RBM43: variants seen among roughly 807,000 people sequenced by gnomAD.
RBM43 encodes RNA-binding protein 43.
RBM43 carries 12 observed loss-of-function variants against 12.4 expected under a neutral mutation model. That is an observed-to-expected ratio of 0.97 (90% CI 0.62 to 1.57). RBM43 has a LOEUF of 1.57. RBM43 is among the 40% of genes most tolerant of loss of function. RBM43 has a pLI of 0.00. For missense variants in RBM43, 348 were observed against 400.1 expected, an observed-to-expected ratio of 0.87 and a Z score of 1.11; for synonymous variants, 138 against 145.7, an observed-to-expected ratio of 0.95 and a Z score of 0.38.
In RBM43 at chr2:151,259,065, C is replaced by T. The variant is rs187770279; in HGVS notation, c.3+2660G>A. ...GGCTGAGGCAGGAGAATGGCTTGAA[C>T]CTGGGAGGTAGAGGTTATAGTGAGC... On this transcript the variant is annotated intron_variant, in intron 1 of 3. Transcript: ENST00000331426. Among the ~76,000 whole-genome samples the T allele has an allele frequency of 5.2e-3, 781 of 151,448 alleles. 5 individuals carry two copies. The highest frequency in any genetic ancestry group is 0.018 in the African/African-American group (750 of 41,338).
rs1682881068 is a variant in RBM43, at chr2:151,250,422, C to T, written c.*484G>A. Reference sequence around the variant, plus strand: ...CCATCCTGACTAACACGGTGAAACCCCATCTCTACTAAAAAAATACAAAAA... The same window carrying T: ...CCATCCTGACTAACACGGTGAAACCTCATCTCTACTAAAAAAATACAAAAA... On this transcript the variant is annotated 3_prime_UTR_variant, in exon 4 of 4. Transcript: ENST00000331426. The T allele has an allele frequency of 6.6e-6, 1 of 152,186 alleles. No homozygotes were observed. The highest frequency in any genetic ancestry group is 2.4e-5 in the African/African-American group (1 of 41,324). The allele number at this position is 152,186 out of a possible 1,614,324, so 9.4% of individuals were successfully genotyped here.
chr2:151,257,801 G>C (rs1428947772), intron 1 of RBM43, among the ~76,000 whole-genome samples: 2 of 152,168 alleles, frequency 1.3e-5, no homozygotes, highest in African/African-American at 4.8e-5. Context: ...CGGGCGTGGT[G>C]GCTCACGCCT....
chr2:151,248,858 A>G lies in RBM43; in HGVS notation c.*2048T>C, dbSNP rs1230195979. ...CAAGACAGGACAGAAAATAAAATAC[A>G]TGCTTACCAGTAAGAATGATAAGCC... On this transcript the variant is annotated 3_prime_UTR_variant, in exon 4 of 4. Coordinates refer to ENST00000331426, the MANE Select transcript of RBM43 (RefSeq NM_198557.3). 1 of 152,238 alleles carries G rather than the reference A, an allele frequency of 6.6e-6. No homozygotes were observed. The highest frequency in any genetic ancestry group is 1.5e-5 in the Non-Finnish European group (1 of 68,040). 9.4% of individuals were successfully genotyped at this position (152,238 alleles called of 1,614,324 possible).
At chr2:151,259,555 C>T (rs1394284115) in intron 1 of RBM43, among the ~76,000 whole-genome samples, 1 of 151,956 alleles carries the variant, frequency 6.6e-6, no homozygotes, top group East Asian at 2.0e-4. Context: ...ACCAGAATGG[C>T]TGGAACACAG....
chr2:151,253,086 G>T (rs1269825595), intron 2 of RBM43, among the ~76,000 whole-genome samples: 2 of 152,006 alleles, frequency 1.3e-5, no homozygotes, highest in Non-Finnish European at 2.9e-5. Flanking sequence ...TTATATGCAT[G>T]AATAAAAAAC....
chr2:151,255,575 T>C lies in RBM43; in HGVS notation c.172A>G (p.Arg58Gly), dbSNP rs989488716. The C allele has an allele frequency of 6.2e-7, 1 of 1,614,050 alleles. No homozygotes were observed. Among genetic ancestry groups the C allele is most frequent in the Non-Finnish European group, 8.5e-7 (1 of 1,179,936 alleles). The change falls in exon 2 of 4, where the codon AGA becomes GGA. Residue 58 changes from arginine (R) to glycine (G), a missense_variant. Physicochemically the swap from Arg to Gly is moderately radical, Grantham distance 125. Transcript: ENST00000331426. ...GDVEDVIYPT[R>G]TKGVAYVIFK... ...ATTACATATGCAACTCCCTTGGTTC[T>C]TGTCGGATATATCACATCTTCAACA...
intron 1 of RBM43, 151 bp downstream of exon 1, chr2:151,261,574 C>A: frequency 1.9e-6 from 3 of 1,540,190 alleles, no homozygotes; most frequent in African/African-American, 1.4e-5. Flanking sequence ...TCCGGGGCCC[C>A]CGGGGTCCCT....
chr2:151,261,737 G>C lies in RBM43; in HGVS notation c.-10C>G. 6.2e-7 allele frequency: 1 copy of C among 1,602,898 alleles called. No individual in the cohort carries two copies. Among genetic ancestry groups the C allele is most frequent in the Non-Finnish European group, 8.5e-7 (1 of 1,175,204 alleles). On this transcript the variant is annotated 5_prime_UTR_variant, in exon 1 of 4. Transcript: ENST00000331426. ...AAAAGCAACTTGCCATGGCGGAGGG[G>C]AGACGCGCCCTCAGCGGCCGCAGAA...
rs747158365 is a variant in RBM43, at chr2:151,251,082, C to T, written c.898G>A (p.Gly300Arg). 40 of 1,613,616 alleles carry T rather than the reference C, an allele frequency of 2.5e-5. 2 individuals carry two copies. The Admixed American group carries it at 3.0e-4, about 12-fold the overall frequency. ...KLRKETFILE[G>R]KENREKRMIK... is the part of the protein sequence containing the mutation. ...ATTCTTTTCTCTCTATTTTCCTTTC[C>T]TTCCAAAATAAATGTCTCTTTTCTA... The change falls in exon 4 of 4, where the codon GGA becomes AGA. Residue 300 changes from glycine to arginine, a missense_variant. Coordinates refer to ENST00000331426, the MANE Select transcript of RBM43 (RefSeq NM_198557.3).
intron 1 of RBM43, among the ~76,000 whole-genome samples, chr2:151,260,530 C>T (rs1219950737): frequency 6.6e-6 from 1 of 152,086 alleles, no homozygotes; most frequent in Non-Finnish European, 1.5e-5. Context: ...GGTAATTTAT[C>T]TTTAAAATCA....
At position 151,250,679 on chromosome 2, in the gene RBM43, G is replaced by A; in HGVS notation, c.*227C>T. ...ATTATCTGTGTAATCAGATAGACTGGGCTAAGCCACAGCCTCATTCTTTGT... is the reference window on the plus strand; with the variant it reads ...ATTATCTGTGTAATCAGATAGACTGAGCTAAGCCACAGCCTCATTCTTTGT... On this transcript the variant is annotated 3_prime_UTR_variant, in exon 4 of 4. Coordinates refer to ENST00000331426, the MANE Select transcript of RBM43 (RefSeq NM_198557.3). 1 of 426,508 alleles carries A rather than the reference G, an allele frequency of 2.3e-6. No homozygotes were observed. Among genetic ancestry groups the A allele is most frequent in the Non-Finnish European group, 4.1e-6 (1 of 242,012 alleles). The allele number at this position is 426,508 out of a possible 1,614,324, so 26.4% of individuals were successfully genotyped here.
chr2:151,261,048 C>G (rs907135585), intron 1 of RBM43: 1 of 553,140 alleles, frequency 1.8e-6, no homozygotes, highest in African/African-American at 1.9e-5. Flanking sequence ...TCTACCGCCA[C>G]CAGGTCAACA....
chr2:151,252,770 A>G lies in RBM43; in HGVS notation c.300T>C (p.Ser100=). ...CACACCTTACCTTGTCACCAAAATG[A>G]GAGACTCTGAGAGAGACTGTGAGTT... ...HAELTVSLRV[S]HFGDKIFSSV... Residue 100 remains serine, a synonymous_variant, in exon 3 of 4, where the codon TCT becomes TCC. Coordinates refer to ENST00000331426, the MANE Select transcript of RBM43 (RefSeq NM_198557.3). 1.9e-6 allele frequency: 3 copies of G among 1,584,886 alleles called. No homozygotes were observed. Among genetic ancestry groups the G allele is most frequent in the Non-Finnish European group, 2.6e-6 (3 of 1,154,356 alleles).
rs150129202 is a variant in RBM43 at position 151,248,750 on chromosome 2, A to C, written c.*2156T>G. The C allele has an allele frequency of 4.6e-5, 7 of 152,326 alleles. No individual in the cohort carries two copies. The South Asian group carries it at 1.2e-3, about 27-fold the overall frequency. 9.4% of individuals were successfully genotyped at this position (152,326 alleles called of 1,614,324 possible). A position where few individuals can be genotyped will look rare whatever the true frequency, so the allele number is the denominator to read the frequency against. ...GCATGCCTTTGAACTTTGAGAGCTC[A>C]TTTCGTGGGTGCTCTGATTTAATGT... On this transcript the variant is annotated 3_prime_UTR_variant, in exon 4 of 4. Transcript: ENST00000331426.
intron 1 of RBM43, among the ~76,000 whole-genome samples, chr2:151,256,428 G>A (rs761559392): frequency 2.0e-5 from 3 of 152,162 alleles, no homozygotes; most frequent in Non-Finnish European, 4.4e-5. Context: ...GGAGGTGGCT[G>A]TATGTTTTCT....
rs1682853103 is a variant in RBM43 at position 151,248,780 on chromosome 2, T to C, written c.*2126A>G. On this transcript the variant is annotated 3_prime_UTR_variant, in exon 4 of 4. Transcript: ENST00000331426. The stretch of plus-strand genomic sequence containing the variant: ...GTGGGTGCTCTGATTTAATGTCAAC[T>C]ATGCAAAAGCCAAGTAAATGCAAGC... The C allele has an allele frequency of 1.3e-5, 2 of 152,160 alleles. No individual in the cohort carries two copies. The highest frequency in any genetic ancestry group is 4.8e-5 in the African/African-American group (2 of 41,432). 9.4% of individuals were successfully genotyped at this position (152,160 alleles called of 1,614,324 possible).
intron 2 of RBM43, 46 bp from the exon 3 acceptor site, chr2:151,252,901 T>G (rs191253640): frequency 1.2e-6 from 1 of 867,030 alleles, no homozygotes; most frequent in East Asian, 2.5e-5. Flanking sequence ...CATGATACAC[T>G]AATAATTTTT....
chr2:151,254,305 CTT>C (rs1491444701), intron 2 of RBM43, among the ~76,000 whole-genome samples: 8 of 151,316 alleles, frequency 5.3e-5, no homozygotes, highest in Admixed American at 4.0e-4. Flanking sequence ...CTCTCTCTCT[CTT>C]TCTCTCTCTC....
chr2:151,256,750 C>T (rs1229244879), intron 1 of RBM43, among the ~76,000 whole-genome samples: 1 of 152,112 alleles, frequency 6.6e-6, no homozygotes, highest in Non-Finnish European at 1.5e-5. Context: ...ACCCAGGAGG[C>T]GGGGGTTGCA....
Sources: allele counts gnomAD v4.1 joint callset (sites outside exome capture counted in the v4.1 genomes callset), GRCh38; gene constraint gnomAD v4.1.1; transcripts MANE v1.5; gene names NCBI Gene and HGNC (gene_info 2026-07-23, HGNC 2026-07-21).